The following DNAJC15 variants were observed in gnomAD, a reference collection of about 807,000 sequenced individuals.
DNAJC15 encodes the protein dnaJ homolog subfamily C member 15.
In DNAJC15, 27 loss-of-function variants were observed where a neutral mutation model predicts 22.4. That is an observed-to-expected ratio of 1.20 (90% CI 0.89 to 1.66). DNAJC15 has a LOEUF of 1.66. Ranked by LOEUF, DNAJC15 falls within the 40% of genes most tolerant of loss-of-function variation. The pLI, the probability that DNAJC15 is intolerant of heterozygous loss-of-function variation, is 0.00. For missense variants in DNAJC15, 208 were observed against 187.1 expected, an observed-to-expected ratio of 1.11 and a Z score of -0.65; for synonymous variants, 79 against 63.2, an observed-to-expected ratio of 1.25 and a Z score of -1.19.
intron 1 of DNAJC15, among the ~76,000 whole-genome samples, chr13:43,065,100 T>C (rs747208990): frequency 5.9e-5 from 9 of 152,200 alleles, no homozygotes; most frequent in African/African-American, 1.9e-4. Context: ...TGTGGGTATA[T>C]AGCCAATTTA....
At chr13:43,035,996 G>C (rs1369986840) in intron 1 of DNAJC15, among the ~76,000 whole-genome samples, 2 of 151,882 alleles carry the variant, frequency 1.3e-5, no homozygotes, top group Non-Finnish European at 2.9e-5. Context: ...CAAAGTGCTG[G>C]GATTACATGT....
rs565927544 is a variant in DNAJC15, at chr13:43,111,410, C to G, written c.*4162C>G. ...ATTAATGGGCGTGCTTATGATTGAT[C>G]ACCCAGCAGCATCATTAGAAATAAT... On this transcript the variant is annotated 3_prime_UTR_variant, in exon 6 of 6. Coordinates refer to ENST00000379221, the MANE Select transcript of DNAJC15 (RefSeq NM_013238.3). 2.6e-5 allele frequency: 4 copies of G among 152,290 alleles called. No individual in the cohort carries two copies. The highest frequency in any genetic ancestry group is 5.9e-5 in the Non-Finnish European group (4 of 68,034). The allele number at this position is 152,290 out of a possible 1,614,324, so 9.4% of individuals were successfully genotyped here.
chr13:43,059,427 G>A (rs2040547026), intron 1 of DNAJC15, among the ~76,000 whole-genome samples: 1 of 152,014 alleles, frequency 6.6e-6, no homozygotes, highest in Non-Finnish European at 1.5e-5. Flanking sequence ...AGGCTGGAGT[G>A]CAACGGCGCA....
chr13:43,082,178 T>C (rs2040664970), intron 4 of DNAJC15, among the ~76,000 whole-genome samples: 1 of 138,744 alleles, frequency 7.2e-6, no homozygotes, highest in Non-Finnish European at 1.6e-5. Context: ...AAAAGCTCAG[T>C]AGTAGAAAAA....
intron 1 of DNAJC15, among the ~76,000 whole-genome samples, chr13:43,032,220 A>G (rs571088482): frequency 1.3e-5 from 2 of 152,296 alleles, no homozygotes; most frequent in African/African-American, 4.8e-5. Flanking sequence ...GTCTGACTCT[A>G]CTGGGACCAG....
chr13:43,035,844 C>T (rs909836908), intron 1 of DNAJC15, among the ~76,000 whole-genome samples: 2 of 152,016 alleles, frequency 1.3e-5, no homozygotes, highest in East Asian at 3.9e-4. Context: ...CTTCAGCTTC[C>T]CAAGGAGCTG....
rs1442147018 is a variant in DNAJC15 at position 43,068,805 on chromosome 13, G to A, written c.161-125G>A. 10 of 766,158 alleles carry A rather than the reference G, an allele frequency of 1.3e-5. No homozygotes were observed. The East Asian group carries it at 3.3e-4, about 25-fold the overall frequency. 47.5% of individuals were successfully genotyped at this position (766,158 alleles called of 1,614,324 possible). A position where few individuals can be genotyped will look rare whatever the true frequency, so the allele number is the denominator to read the frequency against. ...AAAAAATTGACCATCTTTCTGGTAA[G>A]TTTTGAAATACTTATTGCAATAACA... On this transcript the variant is annotated intron_variant, in intron 2 of 5. Coordinates refer to ENST00000379221, the MANE Select transcript of DNAJC15 (RefSeq NM_013238.3).
chr13:43,082,881 C>T (rs954790507), intron 4 of DNAJC15, among the ~76,000 whole-genome samples: 2 of 139,288 alleles, frequency 1.4e-5, no homozygotes, highest in Non-Finnish European at 3.2e-5. Context: ...TGTGCGTATG[C>T]GTATATGTGT....
In DNAJC15 at chr13:43,112,671, C is replaced by T. The variant is rs1254445366; in HGVS notation, c.*5423C>T. The T allele has an allele frequency of 6.6e-6, 1 of 152,192 alleles. No homozygotes were observed. The highest frequency in any genetic ancestry group is 6.5e-5 in the Admixed American group (1 of 15,274). 9.4% of individuals were successfully genotyped at this position (152,192 alleles called of 1,614,324 possible). Reference sequence around the variant, plus strand: ...ATTTTCATAGCCAGCCTAAGAGGTACTATTATGTATCCCCATTTTACAGGT... The same window carrying T: ...ATTTTCATAGCCAGCCTAAGAGGTATTATTATGTATCCCCATTTTACAGGT... On this transcript the variant is annotated 3_prime_UTR_variant, in exon 6 of 6. Coordinates refer to ENST00000379221, the MANE Select transcript of DNAJC15 (RefSeq NM_013238.3).
At chr13:43,051,610 T>A (rs1048845226) in intron 1 of DNAJC15, among the ~76,000 whole-genome samples, 1 of 151,934 alleles carries the variant, frequency 6.6e-6, no homozygotes, top group Non-Finnish European at 1.5e-5. Context: ...ATTTGTTCAT[T>A]TTTATGGCTG....
chr13:43,086,971 G>A (rs560025033), intron 5 of DNAJC15, among the ~76,000 whole-genome samples: 1 of 152,182 alleles, frequency 6.6e-6, no homozygotes, highest in Admixed American at 6.5e-5. Context: ...TTTTTCTTTG[G>A]CTTCTACCTT....
chr13:43,066,705 C>T (rs768640217), intron 2 of DNAJC15, among the ~76,000 whole-genome samples: 1 of 152,192 alleles, frequency 6.6e-6, no homozygotes, highest in South Asian at 2.1e-4. Flanking sequence ...TCACTTCAAG[C>T]TCCGCCTCCC....
chr13:43,100,375 T>C (rs757252963), intron 5 of DNAJC15, among the ~76,000 whole-genome samples: 3 of 151,916 alleles, frequency 2.0e-5, no homozygotes, highest in Non-Finnish European at 4.4e-5. Context: ...GCTCAGCTAA[T>C]TTTTTTATTT....
At chr13:43,030,628 A>G (rs957191870) in intron 1 of DNAJC15, among the ~76,000 whole-genome samples, 1 of 152,234 alleles carries the variant, frequency 6.6e-6, no homozygotes. Flanking sequence ...GTACATTATT[A>G]GGTAAGGTTC....
In DNAJC15 at chr13:43,107,643, A is replaced by AT. The variant is rs1044893070; in HGVS notation, c.*404dup. Reference sequence around the variant, plus strand: ...GTTTATATTTGTACCCTCATTGTCAATTTTTTTTTAGGGAATTTGGGACTC... The same window carrying AT: ...GTTTATATTTGTACCCTCATTGTCAATTTTTTTTTTAGGGAATTTGGGACTC... On this transcript the variant is annotated 3_prime_UTR_variant, in exon 6 of 6. Coordinates refer to ENST00000379221, the MANE Select transcript of DNAJC15 (RefSeq NM_013238.3). 68 of 152,348 alleles carry AT rather than the reference A, an allele frequency of 4.5e-4. No individual in the cohort carries two copies. The highest frequency in any genetic ancestry group is 8.5e-4 in the African/African-American group (35 of 41,196). The allele number at this position is 152,348 out of a possible 1,614,324, so 9.4% of individuals were successfully genotyped here.
intron 3 of DNAJC15, among the ~76,000 whole-genome samples, chr13:43,070,512 A>C (rs1269130406): frequency 1.3e-5 from 2 of 152,164 alleles, no homozygotes; most frequent in African/African-American, 4.8e-5. Flanking sequence ...TGCTTTTGAG[A>C]AAACCAAATC....
At chr13:43,103,238 G>A (rs984345525) in intron 5 of DNAJC15, among the ~76,000 whole-genome samples, 1 of 152,064 alleles carries the variant, frequency 6.6e-6, no homozygotes, top group African/African-American at 2.4e-5. Flanking sequence ...AACAGACTCC[G>A]TTTCAATGTT....
At chr13:43,073,961 C>CTT (rs66526237) in intron 3 of DNAJC15, among the ~76,000 whole-genome samples, 4 of 146,076 alleles carry the variant, frequency 2.7e-5, no homozygotes, top group African/African-American at 1.0e-4. Context: ...CATCCTTCTT[C>CTT]TTTTTTTTTT....
At chr13:43,099,782 A>AATTCTTTTTATATGTTTATAT (rs144285042) in intron 5 of DNAJC15, among the ~76,000 whole-genome samples, 2 of 151,992 alleles carry the variant, frequency 1.3e-5, no homozygotes, top group African/African-American at 4.8e-5. Flanking sequence ...TGTGGTTTAT[A>AATTCTTTTTATATGTTTATAT]ATTCTTTTTA....
Sources: allele counts gnomAD v4.1 joint callset (sites outside exome capture counted in the v4.1 genomes callset), GRCh38; gene constraint gnomAD v4.1.1; transcripts MANE v1.5; gene names NCBI Gene and HGNC (gene_info 2026-07-23, HGNC 2026-07-21).